DCUN1D2: variants seen among roughly 807,000 people sequenced by gnomAD.
DCUN1D2 encodes DCN1-like protein 2.
Under a neutral mutation model 30.9 loss-of-function variants are expected in DCUN1D2, and 29 were observed. That is an observed-to-expected ratio of 0.94 (90% confidence interval 0.70 to 1.28). The LOEUF (loss-of-function observed/expected upper bound fraction) is 1.28. Among genes scored for constraint, DCUN1D2 ranks in the 50% most tolerant of loss-of-function variants. The pLI, the probability that DCUN1D2 is intolerant of heterozygous loss-of-function variation, is 0.00. For synonymous variants in DCUN1D2, 121 were observed against 115.3 expected (o/e 1.05, Z -0.32); for missense variants, 325 against 316.9 (o/e 1.03, Z -0.19).
intron 1 of DCUN1D2, among the ~76,000 whole-genome samples, chr13:113,489,768 T>C (rs1336386915): frequency 6.6e-6 from 1 of 152,064 alleles, no homozygotes; most frequent in Non-Finnish European, 1.5e-5. Flanking sequence ...CCTCACTTTT[T>C]CTCTGGCTAA....
At chr13:113,473,144 G>C (rs913836650) in intron 4 of DCUN1D2, among the ~76,000 whole-genome samples, 10 of 148,334 alleles carry the variant, frequency 6.7e-5, no homozygotes, top group Non-Finnish European at 1.3e-4. Context: ...TCTGTCTCCT[G>C]TGCCTCTGTC....
At chr13:113,473,958 T>C (rs921478209) in intron 4 of DCUN1D2, among the ~76,000 whole-genome samples, 166 bp downstream of exon 4, 1 of 152,166 alleles carries the variant, frequency 6.6e-6, no homozygotes, top group Admixed American at 6.5e-5. Flanking sequence ...TGAGCTGTGA[T>C]TGCACCACTG....
At chr13:113,468,254 T>C (rs1385296913) in intron 4 of DCUN1D2, among the ~76,000 whole-genome samples, 1 of 151,966 alleles carries the variant, frequency 6.6e-6, no homozygotes, top group Admixed American at 6.6e-5. Context: ...AACAAAACAT[T>C]ATACCAAGCG....
At chr13:113,469,148 A>G (rs1013942636) in intron 4 of DCUN1D2, among the ~76,000 whole-genome samples, 7 of 147,440 alleles carry the variant, frequency 4.7e-5, no homozygotes, top group African/African-American at 1.8e-4. Flanking sequence ...ACGCCTGCAC[A>G]CACACACACA....
At chr13:113,461,236 A>G in intron 4 of DCUN1D2, 100 bp from the exon 5 acceptor site, 1 of 741,208 alleles carries the variant, frequency 1.3e-6, no homozygotes, top group South Asian at 1.8e-5. Flanking sequence ...ACTTAATAAA[A>G]TGTGGCAATC....
chr13:113,471,796 C>T (rs576260898), intron 4 of DCUN1D2, among the ~76,000 whole-genome samples: 50 of 152,298 alleles, frequency 3.3e-4, no homozygotes, highest in Non-Finnish European at 5.9e-4. Flanking sequence ...ATACCCAGCA[C>T]GCAAGGACTC....
At chr13:113,481,849 A>G (rs568818976) in intron 2 of DCUN1D2, among the ~76,000 whole-genome samples, 160 of 140,612 alleles carry the variant, frequency 1.1e-3, no homozygotes, top group African/African-American at 4.0e-3. Context: ...ATGCCATTGC[A>G]CTCCAGCCTG....
chr13:113,481,247 G>A (rs1336388407), intron 2 of DCUN1D2, among the ~76,000 whole-genome samples: 2 of 152,070 alleles, frequency 1.3e-5, no homozygotes, highest in Non-Finnish European at 2.9e-5. Flanking sequence ...GAATCATTTA[G>A]CTTATGTATC....
intron 4 of DCUN1D2, among the ~76,000 whole-genome samples, chr13:113,469,622 G>A (rs755354280): frequency 7.2e-5 from 11 of 151,912 alleles, no homozygotes; most frequent in African/African-American, 1.5e-4. Context: ...CTGAGGGTGC[G>A]GTCATGGCCA....
chr13:113,460,793 C>G (rs998906491), intron 5 of DCUN1D2, among the ~76,000 whole-genome samples: 6 of 152,220 alleles, frequency 3.9e-5, no homozygotes, highest in African/African-American at 1.4e-4. Context: ...TCCAGGAACC[C>G]CAGCCTGAGA....
chr13:113,470,459 G>A (rs939966568), intron 4 of DCUN1D2, among the ~76,000 whole-genome samples: 7 of 152,166 alleles, frequency 4.6e-5, no homozygotes, highest in Non-Finnish European at 1.0e-4. Flanking sequence ...AAGAAATGAA[G>A]TACAGATAAA....
chr13:113,472,939 CCGT>C, intron 4 of DCUN1D2, among the ~76,000 whole-genome samples: 1 of 151,862 alleles, frequency 6.6e-6, no homozygotes, highest in Admixed American at 6.6e-5. Context: ...CGTCTCTCTC[CCGT>C]GTCCCCCTGC....
chr13:113,459,387 G>T lies in DCUN1D2; in HGVS notation c.625C>A (p.Pro209Thr). ...AGCAGGAGGTTCCAGGTGTCCCTTG[G>T]AATTGATCTTTTGTGATGTTCCTAA... The part of the protein sequence containing the change: ...FLMEHHKRSI[P>T]RDTWNLLLDF... The change falls in exon 6 of 7, where the codon CCA (proline) becomes ACA (threonine). Residue 209 changes from proline to threonine, a missense_variant. Coordinates refer to ENST00000478244, the MANE Select transcript of DCUN1D2 (RefSeq NM_001014283.2). 1 of 1,581,540 alleles carries T rather than the reference G, an allele frequency of 6.3e-7. No individual in the cohort carries two copies. The highest frequency in any genetic ancestry group is 8.7e-7 in the Non-Finnish European group (1 of 1,151,152).
At chr13:113,459,717 A>G (rs1294047440) in intron 5 of DCUN1D2, among the ~76,000 whole-genome samples, 8 of 152,244 alleles carry the variant, frequency 5.3e-5, no homozygotes, top group Admixed American at 3.9e-4. Flanking sequence ...GCATGTATAT[A>G]TATATTCACG....
At position 113,456,098 on chromosome 13, in the gene DCUN1D2, C is replaced by A; in HGVS notation, c.*1931G>T. 1 of 392,076 alleles carries A rather than the reference C, an allele frequency of 2.6e-6. No individual in the cohort carries two copies. The highest frequency in any genetic ancestry group is 1.4e-4 in the South Asian group (1 of 7,276). 24.3% of individuals were successfully genotyped at this position (392,076 alleles called of 1,614,324 possible). On this transcript the variant is annotated 3_prime_UTR_variant, in exon 7 of 7. Coordinates refer to ENST00000478244, the MANE Select transcript of DCUN1D2 (RefSeq NM_001014283.2). ...CCATGAAGCCTGGAAGATACGCTCA[C>A]GTTTTTGAGGTTTGTATTAATGCCA...
chr13:113,470,985 A>C (rs111690491), intron 4 of DCUN1D2, among the ~76,000 whole-genome samples: 23,635 of 133,894 alleles, frequency 0.18, 2,432 homozygotes, highest in African/African-American at 0.28. Flanking sequence ...CCAACTCTAC[A>C]GAGGACCCAA....
intron 2 of DCUN1D2, among the ~76,000 whole-genome samples, chr13:113,482,073 G>C: frequency 6.6e-6 from 1 of 152,156 alleles, no homozygotes; most frequent in South Asian, 2.1e-4. Flanking sequence ...ACAATGCTCT[G>C]AGCTAATAAA....
At chr13:113,485,048 A>G (rs1185936221) in intron 1 of DCUN1D2, among the ~76,000 whole-genome samples, 1 of 151,894 alleles carries the variant, frequency 6.6e-6, no homozygotes, top group African/African-American at 2.4e-5. Context: ...ACTGCACTCC[A>G]GCCTGGGCGA....
At chr13:113,472,599 C>A (rs1333804304) in intron 4 of DCUN1D2, among the ~76,000 whole-genome samples, 3 of 152,346 alleles carry the variant, frequency 2.0e-5, no homozygotes, top group South Asian at 2.1e-4. Flanking sequence ...GGTCATCCGG[C>A]CTTTCTGAGC....
Sources: gnomAD v4.1 joint callset for allele counts (sites outside exome capture counted in the v4.1 genomes callset) on GRCh38, gnomAD v4.1.1 for gene constraint, MANE v1.5 for transcripts, NCBI Gene and HGNC (gene_info 2026-07-23, HGNC 2026-07-21) for gene names.